The following ADAMTS19 variants were observed in gnomAD, a reference collection of about 807,000 sequenced individuals.
ADAMTS19 encodes the protein A disintegrin and metalloproteinase with thrombospondin motifs 19.
Under a neutral mutation model 153.3 loss-of-function variants are expected in ADAMTS19, and 93 were observed. That is an observed-to-expected ratio of 0.61 (90% CI 0.51 to 0.72). The LOEUF is 0.72. Ranked by LOEUF, ADAMTS19 falls within the 30% of genes least tolerant of loss-of-function variation. The pLI, the probability that ADAMTS19 is intolerant of heterozygous loss-of-function variation, is 0.00. For missense variants in ADAMTS19, 1,482 were observed against 1,552.1 expected, an observed-to-expected ratio of 0.95 and a Z score of 0.76; for synonymous variants, 600 against 556.6, an observed-to-expected ratio of 1.08 and a Z score of -1.10.
chr5:129,542,945 G>C lies in ADAMTS19; in HGVS notation c.1329-8919G>C, dbSNP rs1752705057. ...AGGATTATATCATCTATATACAAAA[G>C]AAGTGAAGATTAGTGTACCAAGTGC... On this transcript the variant is annotated intron_variant, in intron 6 of 22. Transcript: ENST00000274487. 4.6e-5 allele frequency among the ~76,000 whole-genome samples: 7 copies of C among 151,838 alleles called. 1 individual carries two copies. The South Asian group carries it at 1.5e-3, about 31-fold the overall frequency.
rs560897148 is a variant in ADAMTS19, at chr5:129,538,917, A to C, written c.1328+10240A>C. On this transcript the variant is annotated intron_variant, in intron 6 of 22. Transcript: ENST00000274487. ...ATGGTAAAAGTAAAAGAAACACCTT[A>C]GTGTTTACATAGTAAATTAACTTTT... is the stretch of plus-strand genomic sequence containing the variant. Among the ~76,000 whole-genome samples, 35 of 152,274 alleles carry C rather than the reference A, an allele frequency of 2.3e-4. No individual in the cohort carries two copies. In the South Asian group the frequency reaches 7.3e-3, roughly 32 times the overall value.
At chr5:129,679,699 G>A in intron 16 of ADAMTS19, 65 bp from the exon 17 acceptor site, 2 of 1,318,748 alleles carry the variant, frequency 1.5e-6, no homozygotes, top group Non-Finnish European at 1.0e-6. Context: ...AAAATAATTT[G>A]TAGTAGATGT....
At chr5:129,716,713 C>A (rs1284497843) in intron 21 of ADAMTS19, among the ~76,000 whole-genome samples, 1 of 151,870 alleles carries the variant, frequency 6.6e-6, no homozygotes, top group African/African-American at 2.4e-5. Flanking sequence ...ATACCACAAT[C>A]CCTTCCTATA....
At chr5:129,620,009 C>T (rs1005679954) in intron 8 of ADAMTS19, among the ~76,000 whole-genome samples, 2 of 151,758 alleles carry the variant, frequency 1.3e-5, no homozygotes, top group African/African-American at 2.4e-5. Flanking sequence ...AGTCTTTAGA[C>T]GTACTAAATT....
chr5:129,692,278 A>C (rs2127144170), intron 18 of ADAMTS19, among the ~76,000 whole-genome samples: 2 of 152,168 alleles, frequency 1.3e-5, no homozygotes, highest in South Asian at 4.2e-4. Flanking sequence ...GCTGACCAAA[A>C]ATCTGTCCCA....
chr5:129,629,412 C>T (rs1561613873), intron 10 of ADAMTS19, among the ~76,000 whole-genome samples: 1 of 152,086 alleles, frequency 6.6e-6, no homozygotes, highest in East Asian at 1.9e-4. Flanking sequence ...TCACAGCAAC[C>T]TTCAATATGT....
intron 2 of ADAMTS19, among the ~76,000 whole-genome samples, chr5:129,496,198 G>A (rs958062063): frequency 6.6e-6 from 1 of 151,988 alleles, no homozygotes; most frequent in Non-Finnish European, 1.5e-5. Flanking sequence ...GGTTCTAAGT[G>A]GGGGAAAAAC....
intron 6 of ADAMTS19, among the ~76,000 whole-genome samples, chr5:129,531,080 A>C (rs1752186927): frequency 9.8e-6 from 1 of 101,880 alleles, no homozygotes; most frequent in Non-Finnish European, 1.9e-5. Flanking sequence ...ATTTTAGTAA[A>C]ATATGTGTAC....
chr5:129,666,342 G>A (rs2127084713), intron 16 of ADAMTS19, among the ~76,000 whole-genome samples: 1 of 152,152 alleles, frequency 6.6e-6, no homozygotes, highest in South Asian at 2.1e-4. Context: ...ATGTCAGGCA[G>A]ACATTTTTCC....
intron 2 of ADAMTS19, among the ~76,000 whole-genome samples, chr5:129,507,709 C>CGAGAGA (rs149286655): frequency 7.5e-6 from 1 of 132,762 alleles, no homozygotes; most frequent in African/African-American, 2.8e-5. Flanking sequence ...AGATCTAGAG[C>CGAGAGA]GAGAGAGAGA....
intron 16 of ADAMTS19, among the ~76,000 whole-genome samples, chr5:129,676,448 C>T (rs970930528): frequency 6.6e-6 from 1 of 152,140 alleles, no homozygotes; most frequent in Admixed American, 6.5e-5. Flanking sequence ...TCTCTGTGTC[C>T]TCAACTCACT....
intron 6 of ADAMTS19, among the ~76,000 whole-genome samples, chr5:129,537,162 GAC>G (rs1330791788): frequency 1.8e-4 from 28 of 152,010 alleles, no homozygotes; most frequent in Admixed American, 1.3e-4. Flanking sequence ...GCAGCCAACA[GAC>G]ACATGAAAAA....
intron 3 of ADAMTS19, among the ~76,000 whole-genome samples, chr5:129,522,433 A>G (rs1271202322): frequency 6.8e-6 from 1 of 146,588 alleles, no homozygotes; most frequent in Admixed American, 6.9e-5. Flanking sequence ...ACTTTTAACT[A>G]TAGTGATTCT....
chr5:129,647,704 C>T, intron 11 of ADAMTS19, 61 bp from the exon 12 acceptor site: 1 of 1,565,454 alleles, frequency 6.4e-7, no homozygotes, highest in South Asian at 1.2e-5. Flanking sequence ...ACATTATAGG[C>T]CAGCGAATGA....
chr5:129,511,247 G>T (rs1420426623), intron 3 of ADAMTS19, among the ~76,000 whole-genome samples: 2 of 151,762 alleles, frequency 1.3e-5, no homozygotes, highest in Non-Finnish European at 2.9e-5. Flanking sequence ...GTTTTAGGTA[G>T]ATTATGTTTA....
intron 3 of ADAMTS19, among the ~76,000 whole-genome samples, chr5:129,522,322 C>A (rs1206757804): frequency 2.0e-5 from 2 of 97,682 alleles, no homozygotes; most frequent in Non-Finnish European, 3.7e-5. Flanking sequence ...TATATACACA[C>A]ACACACACAC....
intron 2 of ADAMTS19, among the ~76,000 whole-genome samples, chr5:129,491,224 G>C (rs536320656): frequency 1.3e-5 from 2 of 151,986 alleles, no homozygotes; most frequent in Non-Finnish European, 2.9e-5. Context: ...GGATGGTCTC[G>C]ATCTCCTGAC....
chr5:129,536,336 A>G (rs1018367038), intron 6 of ADAMTS19, among the ~76,000 whole-genome samples: 22 of 152,254 alleles, frequency 1.4e-4, no homozygotes, highest in Admixed American at 1.2e-3. Flanking sequence ...GGCCATCAGA[A>G]AAATGCAAAT....
chr5:129,607,567 A>G (rs1474802142), intron 8 of ADAMTS19, among the ~76,000 whole-genome samples: 1 of 152,146 alleles, frequency 6.6e-6, no homozygotes, highest in African/African-American at 2.4e-5. Flanking sequence ...AAGTAATATG[A>G]TTTTATGAGA....
Sources: gnomAD v4.1 joint callset for allele counts (sites outside exome capture counted in the v4.1 genomes callset) on GRCh38, gnomAD v4.1.1 for gene constraint, MANE v1.5 for transcripts, NCBI Gene and HGNC (gene_info 2026-07-23, HGNC 2026-07-21) for gene names.